The following LOXL3 variants were observed in gnomAD, a reference collection of about 807,000 sequenced individuals.
LOXL3 encodes lysyl oxidase like 3.
Under a neutral mutation model 91.8 loss-of-function variants are expected in LOXL3, and 60 were observed. The ratio of observed to expected loss-of-function variants is 0.65; its 90% CI spans 0.53 to 0.81. LOXL3 has a LOEUF of 0.81. LOXL3 is among the 30% of genes least tolerant of loss of function. The pLI is 0.00. For missense variants in LOXL3, 874 were observed against 1,000.4 expected, an observed-to-expected ratio of 0.87 and a Z score of 1.70; for synonymous variants, 355 against 387.6, an observed-to-expected ratio of 0.92 and a Z score of 0.99.
At chr2:74,550,399 G>A in intron 2 of LOXL3, 51 bp from the exon 3 acceptor site, 1 of 1,574,480 alleles carries the variant, frequency 6.4e-7, no homozygotes, top group Non-Finnish European at 8.7e-7. Flanking sequence ...GGAGGATGGG[G>A]GAGTAATGGG....
At chr2:74,545,840 A>C (rs556485613) in intron 4 of LOXL3, among the ~76,000 whole-genome samples, 20 of 152,274 alleles carry the variant, frequency 1.3e-4, no homozygotes, top group African/African-American at 4.6e-4. Flanking sequence ...TATGTTGTCC[A>C]GTTTCAGGAC....
rs1262827076 is a variant in LOXL3 at position 74,536,694 on chromosome 2, C to T, written c.912+15G>A. On this transcript the variant is annotated intron_variant, in intron 5 of 13. Coordinates refer to ENST00000264094, the MANE Select transcript of LOXL3 (RefSeq NM_032603.5). The surrounding 1 kb of genome is among the most constrained non-coding windows in gnomAD (Gnocchi z 4.5). ...CACCTGGGGTGGGAAAGGTCATAAT[C>T]ACTGTCTCACACACCTCCCCCTGAG... 1.9e-6 allele frequency: 3 copies of T among 1,612,578 alleles called. No individual in the cohort carries two copies. Among genetic ancestry groups the T allele is most frequent in the South Asian group, 2.2e-5 (2 of 90,992 alleles).
chr2:74,555,089 C>T (rs942086901), upstream of LOXL3: 87 of 1,538,726 alleles, frequency 5.7e-5, no homozygotes, highest in Admixed American at 7.3e-4. This position sits in a 1 kb window ranked among gnomAD's most constrained non-coding sequence, Gnocchi z 6.1. Context: ...CAACCTCCTT[C>T]CCCGTCGGGA....
In LOXL3 at chr2:74,532,713, C is replaced by T. The variant is rs1380794702; in HGVS notation, c.*893G>A. ...AGTCATCCTGGGCTCCCCTGCACAC[C>T]GGTGAGGGAGAGGCTGCAGTGTGAT... is the stretch of plus-strand genomic sequence containing the variant. On this transcript the variant is annotated 3_prime_UTR_variant, in exon 14 of 14. Transcript: ENST00000264094. The T allele has an allele frequency of 1.4e-5, 22 of 1,612,872 alleles. No homozygotes were observed. The highest frequency in any genetic ancestry group is 1.8e-5 in the Non-Finnish European group (21 of 1,179,066).
chr2:74,536,018 G>T lies in LOXL3; in HGVS notation c.1226C>A (p.Pro409His). The change falls in exon 7 of 14, where the codon CCT (proline) becomes CAT (histidine). Residue 409 changes from proline (P) to histidine (H), a missense_variant. By Grantham distance (77) the Pro-to-His change is moderately conservative. Coordinates refer to ENST00000264094, the MANE Select transcript of LOXL3 (RefSeq NM_032603.5). This position sits in a 1 kb window ranked among gnomAD's most constrained non-coding sequence, Gnocchi z 4.5. ...GACCCTGGTCTCTGCCCCAGTGTAA[G>T]GTAGGTTGCACCGGACCCCGGCATC... ...SQDAGVRCNL[P>H]YTGAETRIRL... 6.3e-7 allele frequency: 1 copy of T among 1,590,630 alleles called. No individual in the cohort carries two copies. The highest frequency in any genetic ancestry group is 8.6e-7 in the Non-Finnish European group (1 of 1,168,900).
In LOXL3 at chr2:74,532,355, A is replaced by G. The variant is rs71640293; in HGVS notation, c.*1251T>C. On this transcript the variant is annotated 3_prime_UTR_variant, in exon 14 of 14. Transcript: ENST00000264094. Reference sequence around the variant, plus strand: ...CTCAACTTAAGTTCTTTCCCCTTAAAGCTTCTCTTAGTATTCTAGAATGAC... The same window carrying G: ...CTCAACTTAAGTTCTTTCCCCTTAAGGCTTCTCTTAGTATTCTAGAATGAC... 4.9e-4 allele frequency: 248 copies of G among 507,668 alleles called. No individual in the cohort carries two copies. Among genetic ancestry groups the G allele is most frequent in the Non-Finnish European group, 8.0e-4 (223 of 279,196 alleles). 31.4% of individuals were successfully genotyped at this position (507,668 alleles called of 1,614,324 possible). A position where few individuals can be genotyped will look rare whatever the true frequency, so the allele number is the denominator to read the frequency against.
chr2:74,536,824 T>A lies in LOXL3; in HGVS notation c.797A>T (p.Asn266Ile), dbSNP rs139468475. The A allele has an allele frequency of 6.2e-7, 1 of 1,614,086 alleles. No individual in the cohort carries two copies. The highest frequency in any genetic ancestry group is 2.2e-5 in the East Asian group (1 of 44,890). ...SLCSLEFYRA[N>I]DTARCPGGGP... ...CCCCCCAGGGCACCTGGCGGTGTCATTGGCACGATAGAACTCCAGGGAACA... is the reference window on the plus strand; with the variant it reads ...CCCCCCAGGGCACCTGGCGGTGTCAATGGCACGATAGAACTCCAGGGAACA... The change falls in exon 5 of 14, where the codon AAT becomes ATT. Residue 266 changes from asparagine (N) to isoleucine (I), a missense_variant. Transcript: ENST00000264094. The surrounding 1 kb of genome is among the most constrained non-coding windows in gnomAD (Gnocchi z 4.5).
Position 74,535,161 on chromosome 2 carries a change from G to A in LOXL3, c.1579+131C>T, listed in dbSNP as rs1675926768. ...TAAAGTGCTGGGATTACAGGCGTGA[G>A]CCACTGCACCCGGCGAAACTGGCTC... is the stretch of plus-strand genomic sequence containing the variant. On this transcript the variant is annotated intron_variant, in intron 9 of 13. Transcript: ENST00000264094. The surrounding 1 kb of genome is among the most constrained non-coding windows in gnomAD (Gnocchi z 4.2). The A allele has an allele frequency of 1.1e-5, 11 of 1,031,348 alleles. No homozygotes were observed. The highest frequency in any genetic ancestry group is 1.6e-5 in the South Asian group (1 of 61,070). The allele number at this position is 1,031,348 out of a possible 1,614,324, so 63.9% of individuals were successfully genotyped here. A position where few individuals can be genotyped will look rare whatever the true frequency, so the allele number is the denominator to read the frequency against.
At chr2:74,548,070 T>G (rs554376533) in intron 4 of LOXL3, among the ~76,000 whole-genome samples, 1 of 152,324 alleles carries the variant, frequency 6.6e-6, no homozygotes, top group South Asian at 2.1e-4. Context: ...TTGATGAAAA[T>G]CTACAGGAAC....
intron 4 of LOXL3, among the ~76,000 whole-genome samples, chr2:74,547,339 G>A (rs538452604): frequency 2.6e-5 from 4 of 152,316 alleles, no homozygotes; most frequent in Non-Finnish European, 5.9e-5. Flanking sequence ...CTGGCACATA[G>A]TAAGATCTCA....
At chr2:74,550,400 G>A (rs751564034) in intron 2 of LOXL3, 52 bp from the exon 3 acceptor site, 4 of 1,574,102 alleles carry the variant, frequency 2.5e-6, no homozygotes, top group African/African-American at 2.7e-5. Context: ...GAGGATGGGG[G>A]AGTAATGGGG....
Position 74,549,992 on chromosome 2 carries a change from C to T in LOXL3, c.477+193G>A. 1 of 985,408 alleles carries T rather than the reference C, an allele frequency of 1.0e-6. No individual in the cohort carries two copies. Among genetic ancestry groups the T allele is most frequent in the Non-Finnish European group, 1.2e-6 (1 of 829,914 alleles). The allele number at this position is 985,408 out of a possible 1,614,324, so 61.0% of individuals were successfully genotyped here. A position where few individuals can be genotyped will look rare whatever the true frequency, so the allele number is the denominator to read the frequency against. On this transcript the variant is annotated intron_variant, in intron 3 of 13. Transcript: ENST00000264094. This position sits in a 1 kb window ranked among gnomAD's most constrained non-coding sequence, Gnocchi z 5.3. ...CTGGAGAGGCTCATGCCAGGTTTAG[C>T]CCCTTGAATGTGAATGCTAAAAACC...
In LOXL3 at chr2:74,534,030, A is replaced by G. The variant is rs750469629; in HGVS notation, c.2077-37T>C. 6.8e-6 allele frequency: 11 copies of G among 1,611,762 alleles called. No individual in the cohort carries two copies. In the South Asian group the frequency reaches 7.7e-5, roughly 11 times the overall value. On this transcript the variant is annotated intron_variant, in intron 12 of 13. Transcript: ENST00000264094. ...AAAAAGGCCACTTAACCCAGCGACAATCCTCGAATTCAAAGGTGTCTTTAA... is the reference window on the plus strand; with the variant it reads ...AAAAAGGCCACTTAACCCAGCGACAGTCCTCGAATTCAAAGGTGTCTTTAA...
At chr2:74,554,637 C>G (rs1041611954), upstream of LOXL3, 24 of 976,108 alleles carry the variant, frequency 2.5e-5, no homozygotes, top group East Asian at 1.0e-4. This position sits in a 1 kb window ranked among gnomAD's most constrained non-coding sequence, Gnocchi z 4.9. Context: ...CGCGACCCCC[C>G]CAGCGGCTGC....
chr2:74,555,255 A>G, upstream of LOXL3: 1 of 1,613,888 alleles, frequency 6.2e-7, no homozygotes. The surrounding 1 kb of genome is among the most constrained non-coding windows in gnomAD (Gnocchi z 6.1). Context: ...GGGGTGGCCG[A>G]GGGAGCTCGC....
Position 74,533,684 on chromosome 2 carries a change from A to G in LOXL3, c.2189-5T>C. The G allele has an allele frequency of 1.2e-6, 2 of 1,613,982 alleles. No individual in the cohort carries two copies. The highest frequency in any genetic ancestry group is 2.2e-5 in the East Asian group (1 of 44,872). On this transcript the variant is annotated splice_polypyrimidine_tract_variant and splice_region_variant and intron_variant, in intron 13 of 13. Transcript: ENST00000264094. ...CCTCTTCACTGAAGGCATCACCTGC[A>G]GAGTGGACAGGCAATTTGGGAGGCG...
In LOXL3 at chr2:74,549,119, C is replaced by A; in HGVS notation, c.692+250G>T. 1 of 368,010 alleles carries A rather than the reference C, an allele frequency of 2.7e-6. No individual in the cohort carries two copies. The highest frequency in any genetic ancestry group is 4.8e-6 in the Non-Finnish European group (1 of 208,644). The allele number at this position is 368,010 out of a possible 1,614,324, so 22.8% of individuals were successfully genotyped here. On this transcript the variant is annotated intron_variant, in intron 4 of 13. Coordinates refer to ENST00000264094, the MANE Select transcript of LOXL3 (RefSeq NM_032603.5). The surrounding 1 kb of genome is among the most constrained non-coding windows in gnomAD (Gnocchi z 5.3). ...GCCCCGGGGCCGAGGAATCCGCCTG[C>A]CCGCCCAGGCGTCGGCCACGAGAGA...
intron 4 of LOXL3, among the ~76,000 whole-genome samples, chr2:74,543,310 T>C (rs1181632960): frequency 6.6e-6 from 1 of 152,176 alleles, no homozygotes; most frequent in Non-Finnish European, 1.5e-5. Flanking sequence ...GGGCCCTCTA[T>C]ATGGTCTAAT....
intron 1 of LOXL3, 43 bp from the exon 2 acceptor site, chr2:74,552,689 G>T: frequency 6.9e-7 from 1 of 1,445,428 alleles, no homozygotes; most frequent in Non-Finnish European, 9.2e-7. Context: ...GAAACAGATT[G>T]AGTGGGGCCC....
Sources: allele counts gnomAD v4.1 joint callset (sites outside exome capture counted in the v4.1 genomes callset), GRCh38; gene constraint gnomAD v4.1.1; non-coding constraint Gnocchi (gnomAD v3.1); transcripts MANE v1.5; gene names NCBI Gene and HGNC (gene_info 2026-07-23, HGNC 2026-07-21).